Variants in POU5F2 observed in about 807,000 individuals in gnomAD.
POU5F2 encodes the protein POU domain, class 5, transcription factor 2.
For synonymous variants in POU5F2, 191 were observed against 178.7 expected (o/e 1.07, Z -0.55); for missense variants, 401 against 426.6 (o/e 0.94, Z 0.53).
chr5:93,741,557 C>CG, the POU5F2 span: 14 of 1,557,542 alleles, frequency 9.0e-6, no homozygotes, highest in Non-Finnish European at 1.2e-5. Context: ...GGCCTGTGTC[C>CG]GGCCATGGGT....
chr5:93,737,781 C>T lies in POU5F2; in HGVS notation c.*2796G>A, dbSNP rs1053619669. On this transcript the variant is annotated 3_prime_UTR_variant, in exon 1 of 1. Coordinates refer to ENST00000606183, the MANE Select transcript of POU5F2 (RefSeq NM_153216.2). ...AATGGTGCTGGGAAAACTGGCTATC[C>T]ACATGCAAAAGAATGAAGTTGGGCA... The T allele has an allele frequency of 3.0e-6, 1 of 333,224 alleles. No individual in the cohort carries two copies. The highest frequency in any genetic ancestry group is 5.9e-6 in the Non-Finnish European group (1 of 170,908). 20.6% of individuals were successfully genotyped at this position (333,224 alleles called of 1,614,324 possible).
rs1432414768 is a variant in POU5F2, at chr5:93,735,435, T to C, written c.*5142A>G. The C allele has an allele frequency of 1.3e-5, 2 of 152,248 alleles. No homozygotes were observed. The highest frequency in any genetic ancestry group is 4.8e-5 in the African/African-American group (2 of 41,460). The allele number at this position is 152,248 out of a possible 1,614,324, so 9.4% of individuals were successfully genotyped here. ...GGACTCTAGGAGCTGTTCCCTGAGA[T>C]TGAGAGCTCATCACAATTTCTCCAC... On this transcript the variant is annotated 3_prime_UTR_variant, in exon 1 of 1. Coordinates refer to ENST00000606183, the MANE Select transcript of POU5F2 (RefSeq NM_153216.2).
Position 93,739,246 on chromosome 5 carries a change from A to AAAAG in POU5F2, c.*1327_*1330dup, listed in dbSNP as rs373002723. 6.6e-6 allele frequency: 1 copy of AAAAG among 152,106 alleles called. No homozygotes were observed. Among genetic ancestry groups the AAAAG allele is most frequent in the African/African-American group, 2.4e-5 (1 of 41,398 alleles). The allele number at this position is 152,106 out of a possible 1,614,324, so 9.4% of individuals were successfully genotyped here. ...ATTCTCTATACAGCCACCAGAAAAA[A>AAAAG]AAAGAAAGAAAGAAAGAAACTAAGT... On this transcript the variant is annotated 3_prime_UTR_variant, in exon 1 of 1. Coordinates refer to ENST00000606183, the MANE Select transcript of POU5F2 (RefSeq NM_153216.2).
rs773776381 is a variant in POU5F2 at position 93,740,813 on chromosome 5, T to C, written c.751A>G (p.Lys251Glu). 1 of 1,613,546 alleles carries C rather than the reference T, an allele frequency of 6.2e-7. No individual in the cohort carries two copies. ...SHIAGCLQLQ[K>E]DVVRVWFYNR... Reference sequence around the variant, plus strand: ...TAGAACCAAACTCGAACCACATCCTTCTGCAGCTGGAGGCACCCAGCAATG... The same window carrying C: ...TAGAACCAAACTCGAACCACATCCTCCTGCAGCTGGAGGCACCCAGCAATG... The change falls in exon 1 of 1, where the codon AAG becomes GAG. Residue 251 changes from lysine to glutamate, a missense_variant. Transcript: ENST00000606183.
rs1323797474 is a variant in POU5F2, at chr5:93,738,260, C to T, written c.*2317G>A. 1 of 153,410 alleles carries T rather than the reference C, an allele frequency of 6.5e-6. No homozygotes were observed. The highest frequency in any genetic ancestry group is 2.4e-5 in the African/African-American group (1 of 41,464). The allele number at this position is 153,410 out of a possible 1,614,324, so 9.5% of individuals were successfully genotyped here. On this transcript the variant is annotated 3_prime_UTR_variant, in exon 1 of 1. Coordinates refer to ENST00000606183, the MANE Select transcript of POU5F2 (RefSeq NM_153216.2). ...AAAACCACAATGAGACACCACTTAA[C>T]AGCTACCAAGATGGCTATAATTTTT...
At position 93,740,653 on chromosome 5, in the gene POU5F2, T is replaced by G. The variant is rs1163273662; in HGVS notation, c.911A>C (p.His304Pro). 2 of 1,613,798 alleles carry G rather than the reference T, an allele frequency of 1.2e-6. No homozygotes were observed. The highest frequency in any genetic ancestry group is 1.7e-6 in the Non-Finnish European group (2 of 1,179,828). The change falls in exon 1 of 1, where the codon CAC becomes CCC. Residue 304 changes from histidine to proline, a missense_variant. Coordinates refer to ENST00000606183, the MANE Select transcript of POU5F2 (RefSeq NM_153216.2). ...CCCTGCAGAGTAGAGACGTGTATAG[T>G]GGGGGATATCCACTGGGAGCCCCAG... Reference protein sequence around the residue: ...LGLGLPVDIPHYTRLYSAGVA... With the variant: ...LGLGLPVDIPPYTRLYSAGVA...
At position 93,737,030 on chromosome 5, in the gene POU5F2, T is replaced by C. The variant is rs1442813522; in HGVS notation, c.*3547A>G. On this transcript the variant is annotated 3_prime_UTR_variant, in exon 1 of 1. Coordinates refer to ENST00000606183, the MANE Select transcript of POU5F2 (RefSeq NM_153216.2). ...AAACTATCTTTATTCACAGATGATA[T>C]GATTTATATGTAGAAAACCCTAAAG... 1.3e-5 allele frequency: 2 copies of C among 152,206 alleles called. No homozygotes were observed. The highest frequency in any genetic ancestry group is 2.9e-5 in the Non-Finnish European group (2 of 68,024). The allele number at this position is 152,206 out of a possible 1,614,324, so 9.4% of individuals were successfully genotyped here. A position where few individuals can be genotyped will look rare whatever the true frequency, so the allele number is the denominator to read the frequency against.
In POU5F2 at chr5:93,735,939, G is replaced by A. The variant is rs1174876456; in HGVS notation, c.*4638C>T. On this transcript the variant is annotated 3_prime_UTR_variant, in exon 1 of 1. Transcript: ENST00000606183. ...ATTCACTGTAGTGAGTTTGGTCCAA[G>A]AACCAGAAGAAGCTTAATATCTCCA... 1 of 151,980 alleles carries A rather than the reference G, an allele frequency of 6.6e-6. No homozygotes were observed. The allele number at this position is 151,980 out of a possible 1,614,324, so 9.4% of individuals were successfully genotyped here.
rs1747689947 is a variant in POU5F2 at position 93,738,450 on chromosome 5, C to T, written c.*2127G>A. ...CTCAGAAATTCCACTCCTATGTATA[C>T]ATCCAAGAGAACTGAAACAACAGAT... On this transcript the variant is annotated 3_prime_UTR_variant, in exon 1 of 1. Coordinates refer to ENST00000606183, the MANE Select transcript of POU5F2 (RefSeq NM_153216.2). The T allele has an allele frequency of 6.6e-6, 1 of 152,216 alleles. No individual in the cohort carries two copies. The highest frequency in any genetic ancestry group is 6.5e-5 in the Admixed American group (1 of 15,280). The allele number at this position is 152,216 out of a possible 1,614,324, so 9.4% of individuals were successfully genotyped here.
At position 93,740,358 on chromosome 5, in the gene POU5F2, A is replaced by G; in HGVS notation, c.*219T>C. The stretch of plus-strand genomic sequence containing the variant: ...TACCTTTAAACCAATGCTAGGGAAA[A>G]ACAAAGGGAAAACACAAAACTGCAA... On this transcript the variant is annotated 3_prime_UTR_variant, in exon 1 of 1. Coordinates refer to ENST00000606183, the MANE Select transcript of POU5F2 (RefSeq NM_153216.2). 1.9e-6 allele frequency: 1 copy of G among 539,644 alleles called. No individual in the cohort carries two copies. Among genetic ancestry groups the G allele is most frequent in the South Asian group, 3.3e-5 (1 of 30,724 alleles). The allele number at this position is 539,644 out of a possible 1,614,324, so 33.4% of individuals were successfully genotyped here.
Position 93,740,279 on chromosome 5 carries a change from C to A in POU5F2, c.*298G>T. The A allele has an allele frequency of 7.2e-6, 2 of 277,768 alleles. No homozygotes were observed. Among genetic ancestry groups the A allele is most frequent in the Non-Finnish European group, 1.3e-5 (2 of 148,746 alleles). 17.2% of individuals were successfully genotyped at this position (277,768 alleles called of 1,614,324 possible). A position where few individuals can be genotyped will look rare whatever the true frequency, so the allele number is the denominator to read the frequency against. On this transcript the variant is annotated 3_prime_UTR_variant, in exon 1 of 1. Coordinates refer to ENST00000606183, the MANE Select transcript of POU5F2 (RefSeq NM_153216.2). ...TGATAACCACAAGGAATAACAGACA[C>A]AATATTTAATAAAAAAAGGAACAAA...
In POU5F2 at chr5:93,736,992, A is replaced by G. The variant is rs1271283229; in HGVS notation, c.*3585T>C. 6.6e-6 allele frequency: 1 copy of G among 152,226 alleles called. No homozygotes were observed. Among genetic ancestry groups the G allele is most frequent in the Non-Finnish European group, 1.5e-5 (1 of 68,040 alleles). The allele number at this position is 152,226 out of a possible 1,614,324, so 9.4% of individuals were successfully genotyped here. On this transcript the variant is annotated 3_prime_UTR_variant, in exon 1 of 1. Transcript: ENST00000606183. ...GAAAAAGAAAGGGTATCCAAATCGG[A>G]AAGGAAGAAGCAAAACTATCTTTAT...
rs1747215916 is a variant in POU5F2 at position 93,736,401 on chromosome 5, T to C, written c.*4176A>G. ...GCATTAATATTTACTTGACTTTTGT[T>C]TTTAAAGTACTTCACCAAAAGTTCA... is the stretch of plus-strand genomic sequence containing the variant. On this transcript the variant is annotated 3_prime_UTR_variant, in exon 1 of 1. Coordinates refer to ENST00000606183, the MANE Select transcript of POU5F2 (RefSeq NM_153216.2). 6.6e-6 allele frequency: 1 copy of C among 152,230 alleles called. No homozygotes were observed. The highest frequency in any genetic ancestry group is 1.5e-5 in the Non-Finnish European group (1 of 68,052). The allele number at this position is 152,230 out of a possible 1,614,324, so 9.4% of individuals were successfully genotyped here. A position where few individuals can be genotyped will look rare whatever the true frequency, so the allele number is the denominator to read the frequency against.
chr5:93,741,345 C>T lies in POU5F2; in HGVS notation c.219G>A (p.Arg73=). 1 of 1,611,636 alleles carries T rather than the reference C, an allele frequency of 6.2e-7. No homozygotes were observed. The highest frequency in any genetic ancestry group is 8.5e-7 in the Non-Finnish European group (1 of 1,178,542). ...GGGGCCTGCAGGGTGCTATCCAGCCCCGGAATTCGTGTGGCAGGGGACCCA... is the reference window on the plus strand; with the variant it reads ...GGGGCCTGCAGGGTGCTATCCAGCCTCGGAATTCGTGTGGCAGGGGACCCA... ...IPLGPLPHEF[R]GWIAPCRPRL... The change falls in exon 1 of 1, where the codon CGG becomes CGA. Residue 73 remains arginine, a synonymous_variant. Transcript: ENST00000606183.
rs1484925957 is a variant in POU5F2 at position 93,738,073 on chromosome 5, G to T, written c.*2504C>A. 3.3e-6 allele frequency: 1 copy of T among 306,288 alleles called. No individual in the cohort carries two copies. The highest frequency in any genetic ancestry group is 6.4e-6 in the Non-Finnish European group (1 of 157,334). 19.0% of individuals were successfully genotyped at this position (306,288 alleles called of 1,614,324 possible). A position where few individuals can be genotyped will look rare whatever the true frequency, so the allele number is the denominator to read the frequency against. ...GAAAATACTTGCAAACCATCTATCT[G>T]ATAAGGGCTTAATATCCAGACTCTA... On this transcript the variant is annotated 3_prime_UTR_variant, in exon 1 of 1. Transcript: ENST00000606183.
Position 93,737,956 on chromosome 5 carries a change from A to G in POU5F2, c.*2621T>C. 2.2e-6 allele frequency: 1 copy of G among 445,754 alleles called. No individual in the cohort carries two copies. 27.6% of individuals were successfully genotyped at this position (445,754 alleles called of 1,614,324 possible). A position where few individuals can be genotyped will look rare whatever the true frequency, so the allele number is the denominator to read the frequency against. On this transcript the variant is annotated 3_prime_UTR_variant, in exon 1 of 1. Transcript: ENST00000606183. The stretch of plus-strand genomic sequence containing the variant: ...CATGAAAAGCCTAAGCAACAAAAGA[A>G]AAAATGGATAAGCTGGACTTAATAA...
Position 93,736,148 on chromosome 5 carries a change from A to C in POU5F2, c.*4429T>G, listed in dbSNP as rs185065169. On this transcript the variant is annotated 3_prime_UTR_variant, in exon 1 of 1. Coordinates refer to ENST00000606183, the MANE Select transcript of POU5F2 (RefSeq NM_153216.2). ...GAAGCTGTGCTGATATATACGGTTC[A>C]TTTACACTTGCTTTGTGGCCATCAT... The C allele has an allele frequency of 2.0e-5, 3 of 152,232 alleles. No homozygotes were observed. The highest frequency in any genetic ancestry group is 2.9e-5 in the Non-Finnish European group (2 of 68,014). 9.4% of individuals were successfully genotyped at this position (152,232 alleles called of 1,614,324 possible). A position where few individuals can be genotyped will look rare whatever the true frequency, so the allele number is the denominator to read the frequency against.
Position 93,741,185 on chromosome 5 carries a change from G to T in POU5F2, c.379C>A (p.Gln127Lys), listed in dbSNP as rs766297322. 6.2e-7 allele frequency: 1 copy of T among 1,613,856 alleles called. No individual in the cohort carries two copies. The highest frequency in any genetic ancestry group is 1.1e-5 in the South Asian group (1 of 91,080). Residue 127 changes from glutamine to lysine, a missense_variant, in exon 1 of 1, where the codon CAG becomes AAG. Physicochemically the swap from Gln to Lys is moderately conservative, Grantham distance 53. Coordinates refer to ENST00000606183, the MANE Select transcript of POU5F2 (RefSeq NM_153216.2). The part of the protein sequence containing the change: ...EDISGILKEL[Q>K]QLAKELRQKR... ...TGCCTCAACTCCTTGGCCAATTGCT[G>T]CAACTCTTTCAGTATGCCCGAGATG...
At position 93,740,569 on chromosome 5, in the gene POU5F2, C is replaced by A; in HGVS notation, c.*8G>T. 2 of 1,585,794 alleles carry A rather than the reference C, an allele frequency of 1.3e-6. No homozygotes were observed. The highest frequency in any genetic ancestry group is 8.6e-7 in the Non-Finnish European group (1 of 1,159,868). On this transcript the variant is annotated 3_prime_UTR_variant, in exon 1 of 1. Coordinates refer to ENST00000606183, the MANE Select transcript of POU5F2 (RefSeq NM_153216.2). ...CCAACCGTGCCGTGAAGGGCAAGCC[C>A]CTCAGCCCTAAAATCTGAGGAGGCC...
Sources: allele counts gnomAD v4.1 joint callset, GRCh38; gene constraint gnomAD v4.1.1; transcripts MANE v1.5; gene names NCBI Gene and HGNC (gene_info 2026-07-23, HGNC 2026-07-21).